RNF4: variants seen among roughly 807,000 people sequenced by gnomAD.
RNF4 encodes the protein ring finger protein 4.
In RNF4, 7 loss-of-function variants were observed where a neutral mutation model predicts 24.3. That is an observed-to-expected ratio of 0.29 (90% CI 0.16 to 0.54). The LOEUF (loss-of-function observed/expected upper bound fraction) is 0.54, where lower values mean the gene tolerates loss of function less well. Among genes scored for constraint, RNF4 ranks in the 20% least tolerant of loss-of-function variants. RNF4 has a pLI of 0.95. For missense variants in RNF4, 209 were observed against 248.5 expected (o/e 0.84, Z 1.07); for synonymous variants, 83 against 84.3 (o/e 0.98, Z 0.09).
intron 4 of RNF4, among the ~76,000 whole-genome samples, chr4:2,508,891 C>T (rs1200667496): frequency 1.5e-5 from 2 of 135,980 alleles, no homozygotes; most frequent in Non-Finnish European, 3.1e-5. Flanking sequence ...GGATTACAGG[C>T]ATGATCCACT....
intron 4 of RNF4, among the ~76,000 whole-genome samples, chr4:2,510,090 A>G (rs910727561): frequency 6.6e-6 from 1 of 152,142 alleles, no homozygotes; most frequent in Non-Finnish European, 1.5e-5. Flanking sequence ...CTCTAAGAGG[A>G]AAGGGGAGCA....
Position 2,512,478 on chromosome 4 carries a change from G to A in RNF4, c.255G>A (p.Gln85=), listed in dbSNP as rs1578528429. ...GGAGGAATGCTAGGAGGCTGCCCCA[G>A]GACCATGCTGACAGCTGTGTGGTGA... ...RPRRNARRLP[Q]DHADSCVVSS... Residue 85 remains glutamine, a synonymous_variant, in exon 6 of 8, where the codon CAG becomes CAA. Transcript: ENST00000314289. The surrounding 1 kb of genome is among the most constrained non-coding windows in gnomAD (Gnocchi z 4.1). The A allele has an allele frequency of 6.2e-7, 1 of 1,613,648 alleles. No homozygotes were observed. Among genetic ancestry groups the A allele is most frequent in the Non-Finnish European group, 8.5e-7 (1 of 1,179,722 alleles).
chr4:2,480,169 C>G (rs1365630379), intron 1 of RNF4: 1 of 152,068 alleles, frequency 6.6e-6, no homozygotes, highest in African/African-American at 2.4e-5. Flanking sequence ...TGGTCCAGAA[C>G]TCCTGGGCTC....
chr4:2,499,778 A>G (rs1215447074), intron 3 of RNF4, among the ~76,000 whole-genome samples: 1 of 152,182 alleles, frequency 6.6e-6, no homozygotes, highest in Non-Finnish European at 1.5e-5. Flanking sequence ...CCCATTTTGT[A>G]TGTTGAGGTT....
chr4:2,483,892 G>A (rs1297197893), intron 1 of RNF4, among the ~76,000 whole-genome samples: 1 of 151,690 alleles, frequency 6.6e-6, no homozygotes, highest in African/African-American at 2.4e-5. Flanking sequence ...GAGTGCAATG[G>A]TGCGATCTCG....
intron 3 of RNF4, among the ~76,000 whole-genome samples, chr4:2,500,263 T>A (rs1459537848): frequency 1.3e-5 from 2 of 152,002 alleles, no homozygotes; most frequent in Non-Finnish European, 2.9e-5. Context: ...CAGCTTCACC[T>A]GCTGGGAGGA....
rs555720537 is a variant in RNF4, at chr4:2,492,276, T to C, written c.9+1774T>C. Among the ~76,000 whole-genome samples, 4 of 152,214 alleles carry C rather than the reference T, an allele frequency of 2.6e-5. No individual in the cohort carries two copies. In the South Asian group the frequency reaches 8.3e-4, roughly 32 times the overall value. ...CCCAGGCTGATCTTGAACTCCTGGC[T>C]TCAAGCAGTCCTCCCACCTAGGCTC... is the stretch of plus-strand genomic sequence containing the variant. On this transcript the variant is annotated intron_variant, in intron 2 of 7. Coordinates refer to ENST00000314289, the MANE Select transcript of RNF4 (RefSeq NM_002938.5).
chr4:2,497,112 G>T lies in RNF4; in HGVS notation c.115G>T (p.Val39Leu). 1 of 1,604,454 alleles carries T rather than the reference G, an allele frequency of 6.2e-7. No individual in the cohort carries two copies. The highest frequency in any genetic ancestry group is 1.1e-5 in the South Asian group (1 of 89,044). Residue 39 changes from valine to leucine, a missense_variant, in exon 3 of 8, where the codon GTG becomes TTG. Physicochemically the swap from Val to Leu is conservative, Grantham distance 32. This residue lies in a region of RNF4 where 182 missense variants were observed against 197.2 expected (regional missense o/e 0.92). Transcript: ENST00000314289. ...ISLEAEPIEL[V>L]ETAGDEIVDL... Reference sequence around the variant, plus strand: ...CTTGGAAGCAGAACCCATAGAACTCGTGGAAACTGGTAAGATTGCCAGGGA... The same window carrying T: ...CTTGGAAGCAGAACCCATAGAACTCTTGGAAACTGGTAAGATTGCCAGGGA...
At chr4:2,507,863 T>C (rs1192041835) in intron 4 of RNF4, among the ~76,000 whole-genome samples, 1 of 152,120 alleles carries the variant, frequency 6.6e-6, no homozygotes, top group African/African-American at 2.4e-5. Context: ...TTTTTTTCTT[T>C]TCTCTTTTTG....
intron 1 of RNF4, among the ~76,000 whole-genome samples, chr4:2,483,219 T>G (rs906845289): frequency 7.2e-5 from 11 of 152,262 alleles, no homozygotes; most frequent in African/African-American, 2.4e-4. Flanking sequence ...CTGTGAATAG[T>G]TAGCAAATTA....
chr4:2,510,478 C>G (rs1195900165), intron 4 of RNF4, among the ~76,000 whole-genome samples: 2 of 152,224 alleles, frequency 1.3e-5, no homozygotes, highest in Non-Finnish European at 2.9e-5. Flanking sequence ...ACATAGCAGC[C>G]TCTGCCAGAA....
intron 1 of RNF4, among the ~76,000 whole-genome samples, chr4:2,472,247 T>C (rs1019197747): frequency 2.6e-5 from 4 of 152,230 alleles, no homozygotes; most frequent in African/African-American, 7.2e-5. Flanking sequence ...TATAGTAGCA[T>C]ATCTGTTTAC....
chr4:2,477,946 TTTGGAACTCG>T (rs1417236022), intron 1 of RNF4, among the ~76,000 whole-genome samples: 2 of 152,020 alleles, frequency 1.3e-5, no homozygotes, highest in Non-Finnish European at 2.9e-5. Flanking sequence ...TGTGGGAAAG[TTTGGAACTCG>T]CTAGAGACTT....
chr4:2,506,831 A>G lies in RNF4; in HGVS notation c.205-5125A>G, dbSNP rs546824193. Reference sequence around the variant, plus strand: ...GTGATCCTCCCACCTTGGTTTCCCAAAGTGCTGGGATTGTAGTTGTGAGCC... The same window carrying G: ...GTGATCCTCCCACCTTGGTTTCCCAGAGTGCTGGGATTGTAGTTGTGAGCC... On this transcript the variant is annotated intron_variant, in intron 4 of 7. Transcript: ENST00000314289. Among the ~76,000 whole-genome samples, 3 of 152,222 alleles carry G rather than the reference A, an allele frequency of 2.0e-5. No individual in the cohort carries two copies. In the East Asian group the frequency reaches 5.8e-4, roughly 29 times the overall value.
intron 4 of RNF4, among the ~76,000 whole-genome samples, chr4:2,510,445 G>A (rs970715603): frequency 7.2e-5 from 11 of 152,208 alleles, no homozygotes; most frequent in African/African-American, 2.7e-4. Flanking sequence ...ACCCTTTCTA[G>A]GGAGGAGAGG....
intron 1 of RNF4, among the ~76,000 whole-genome samples, chr4:2,477,112 C>T (rs1735101796): frequency 6.6e-6 from 1 of 152,132 alleles, no homozygotes; most frequent in Admixed American, 6.6e-5. Context: ...TAAATTAATC[C>T]TCTTGCCTCA....
chr4:2,477,598 A>G (rs1578498901), intron 1 of RNF4, among the ~76,000 whole-genome samples: 1 of 151,832 alleles, frequency 6.6e-6, no homozygotes, highest in African/African-American at 2.4e-5. Context: ...AACAAAAGAG[A>G]TCTGATGCTT....
intron 4 of RNF4, chr4:2,505,612 A>G (rs1662913470): frequency 6.6e-6 from 1 of 150,720 alleles, no homozygotes. Flanking sequence ...GGTGTGAGCC[A>G]CCGCGCCCGG....
At chr4:2,499,411 G>C in intron 3 of RNF4, 1 of 369,762 alleles carries the variant, frequency 2.7e-6, no homozygotes, top group Non-Finnish European at 5.3e-6. Flanking sequence ...CGAGTAGCTG[G>C]GATTACAGGC....
Sources: gnomAD v4.1 joint callset for allele counts (sites outside exome capture counted in the v4.1 genomes callset) on GRCh38, gnomAD v4.1.1 for gene constraint, gnomAD v4.1.1 regional missense constraint, Gnocchi (gnomAD v3.1) non-coding constraint, MANE v1.5 for transcripts, NCBI Gene and HGNC (gene_info 2026-07-23, HGNC 2026-07-21) for gene names.